The following UBA3 variants were observed in gnomAD, a reference collection of about 807,000 sequenced individuals.
UBA3 encodes ubiquitin like modifier activating enzyme 3.
UBA3 carries 26 observed loss-of-function variants against 73.5 expected under a neutral mutation model. The ratio of observed to expected loss-of-function variants is 0.35; its 90% CI spans 0.26 to 0.49. The LOEUF is 0.49. UBA3 is among the 20% of genes least tolerant of loss of function. The probability of loss-of-function intolerance (pLI) is 0.98; values close to 1 mark genes in which losing one functional copy is unlikely to be tolerated. For synonymous variants in UBA3, 217 were observed against 191.2 expected, an observed-to-expected ratio of 1.13 and a Z score of -1.11; for missense variants, 495 against 555.6, an observed-to-expected ratio of 0.89 and a Z score of 1.10.
rs965427621 is a variant in UBA3 at position 69,077,841 on chromosome 3, C to T, written c.140G>A (p.Arg47Gln). 11 of 1,613,988 alleles carry T rather than the reference C, an allele frequency of 6.8e-6. No individual in the cohort carries two copies. Among genetic ancestry groups the T allele is most frequent in the Non-Finnish European group, 9.3e-6 (11 of 1,180,012 alleles). Residue 47 changes from arginine (R) to glutamine (Q), a missense_variant, in exon 3 of 18, where the codon CGA becomes CAA. Physicochemically the swap from Arg to Gln is conservative, Grantham distance 43. Transcript: ENST00000361055. The stretch of plus-strand genomic sequence containing the variant: ...ATCAGGGTGTGTGAAGGGTCCAGAT[C>T]GCTCGAGGAACTTCTTTACATGGTT... ...RWNHVKKFLERSGPFTHPDFE... is the reference protein window; with the variant it reads ...RWNHVKKFLEQSGPFTHPDFE...
rs370735632 is a variant in UBA3, at chr3:69,071,650, A to C, written c.265-33T>G. On this transcript the variant is annotated intron_variant, in intron 4 of 17. Transcript: ENST00000361055. Reference sequence around the variant, plus strand: ...AATAAAAACAATCCAATTAAGCAGAAGTTTCCTCACATTTAAAAACGTAAC... The same window carrying C: ...AATAAAAACAATCCAATTAAGCAGACGTTTCCTCACATTTAAAAACGTAAC... 10 of 1,342,838 alleles carry C rather than the reference A, an allele frequency of 7.4e-6. No individual in the cohort carries two copies. The South Asian group carries it at 1.2e-4, about 17-fold the overall frequency. 83.2% of individuals were successfully genotyped at this position (1,342,838 alleles called of 1,614,324 possible).
chr3:69,068,097 T>TTA, intron 5 of UBA3, 89 bp from the exon 6 acceptor site: 1 of 856,834 alleles, frequency 1.2e-6, no homozygotes. Context: ...AAATTCACAG[T>TTA]AAGTTTACTT....
intron 5 of UBA3, among the ~76,000 whole-genome samples, chr3:69,070,903 C>T (rs983960187): frequency 1.3e-5 from 2 of 152,180 alleles, no homozygotes; most frequent in African/African-American, 4.8e-5. Flanking sequence ...ACCTCAGCCT[C>T]CCAGTGTTGG....
chr3:69,074,748 A>G (rs1384301277), intron 4 of UBA3, among the ~76,000 whole-genome samples: 3 of 152,230 alleles, frequency 2.0e-5, no homozygotes, highest in Non-Finnish European at 4.4e-5. Context: ...GTGATTAGAA[A>G]AAGTCAAGGA....
chr3:69,076,912 A>T (rs1323489675), intron 3 of UBA3, among the ~76,000 whole-genome samples: 1 of 151,994 alleles, frequency 6.6e-6, no homozygotes, highest in East Asian at 1.9e-4. Context: ...TTTTGAATAA[A>T]GTGAGCGAAA....
chr3:69,059,560 C>G (rs2092005016), intron 11 of UBA3, among the ~76,000 whole-genome samples: 1 of 152,100 alleles, frequency 6.6e-6, no homozygotes, highest in African/African-American at 2.4e-5. Flanking sequence ...AAGGAAACAC[C>G]ATCCCCGGCG....
intron 5 of UBA3, among the ~76,000 whole-genome samples, chr3:69,070,379 G>A (rs2092111306): frequency 6.6e-6 from 1 of 152,066 alleles, no homozygotes; most frequent in African/African-American, 2.4e-5. Context: ...AGATAATGTA[G>A]AGGTTTTATG....
At chr3:69,065,594 C>A (rs2092063570) in intron 6 of UBA3, among the ~76,000 whole-genome samples, 2 of 152,148 alleles carry the variant, frequency 1.3e-5, no homozygotes, top group Non-Finnish European at 2.9e-5. Context: ...AGGCATGTGC[C>A]ACCATGCCCG....
At position 69,055,456 on chromosome 3, in the gene UBA3, T is replaced by C; in HGVS notation, c.1373A>G (p.Lys458Arg). Residue 458 changes from lysine to arginine, a missense_variant, in exon 18 of 18, where the codon AAA (lysine) becomes AGA (arginine). Physicochemically the swap from Lys to Arg is conservative, Grantham distance 26 (BLOSUM62 2). Transcript: ENST00000361055. ...TTTTCCTTAAGAAGTAAAATGAAGT[T>C]TGAATAGTACAGTCTGTGGGGTGGT... ...DVTTPQTVLFKLHFTS is the reference protein window; with the variant it reads ...DVTTPQTVLFRLHFTS 3 of 1,532,994 alleles carry C rather than the reference T, an allele frequency of 2.0e-6. No homozygotes were observed. The highest frequency in any genetic ancestry group is 2.6e-6 in the Non-Finnish European group (3 of 1,151,818). The allele number at this position is 1,532,994 out of a possible 1,614,324, so 95.0% of individuals were successfully genotyped here. A position where few individuals can be genotyped will look rare whatever the true frequency, so the allele number is the denominator to read the frequency against.
rs556459747 is a variant in UBA3, at chr3:69,065,642, T to C, written c.429-1531A>G. On this transcript the variant is annotated intron_variant, in intron 6 of 17. Coordinates refer to ENST00000361055, the MANE Select transcript of UBA3 (RefSeq NM_003968.4). ...AGTTTTTACAGAAATAGGGTCTCATTTGTTGCCTAGGCTGTTCTCAAACAA... is the reference window on the plus strand; with the variant it reads ...AGTTTTTACAGAAATAGGGTCTCATCTGTTGCCTAGGCTGTTCTCAAACAA... Among the ~76,000 whole-genome samples the C allele has an allele frequency of 1.1e-4, 16 of 152,224 alleles. 1 individual carries two copies. Among genetic ancestry groups the C allele is most frequent in the African/African-American group, 3.9e-4 (16 of 41,528 alleles).
At chr3:69,076,915 G>A (rs928640179) in intron 3 of UBA3, among the ~76,000 whole-genome samples, 1 of 151,644 alleles carries the variant, frequency 6.6e-6, no homozygotes, top group Non-Finnish European at 1.5e-5. Flanking sequence ...TGAATAAAGT[G>A]AGCGAAACTC....
intron 1 of UBA3, 55 bp downstream of exon 1, chr3:69,080,279 G>A: frequency 6.3e-7 from 1 of 1,595,592 alleles, no homozygotes; most frequent in Non-Finnish European, 8.5e-7. Flanking sequence ...GCCCACCGCC[G>A]CGCTCTCTCA....
intron 14 of UBA3, 35 bp downstream of exon 14, chr3:69,056,577 T>C (rs770405803): frequency 4.6e-6 from 7 of 1,526,964 alleles, no homozygotes; most frequent in Non-Finnish European, 6.3e-6. Context: ...AATCAAAATA[T>C]GCATGATCAA....
intron 12 of UBA3, 50 bp from the exon 13 acceptor site, chr3:69,056,865 T>G (rs774819522): frequency 2.5e-6 from 4 of 1,572,720 alleles, no homozygotes; most frequent in Admixed American, 3.9e-5. Flanking sequence ...AAATTAGGCA[T>G]GTTAAAAGTC....
intron 9 of UBA3, 90 bp from the exon 10 acceptor site, chr3:69,062,269 A>G: frequency 2.3e-6 from 2 of 871,962 alleles, no homozygotes; most frequent in Non-Finnish European, 3.8e-6. Context: ...TAACAATTTC[A>G]TACAATTTGT....
At chr3:69,057,384 T>G (rs1296439538) in intron 11 of UBA3, 75 bp from the exon 12 acceptor site, 1 of 1,304,214 alleles carries the variant, frequency 7.7e-7, no homozygotes, top group Non-Finnish European at 1.1e-6. Context: ...AAGGCATGAT[T>G]ATTAAATACC....
At chr3:69,068,618 T>TGTCACCCAG (rs2092094476) in intron 5 of UBA3, among the ~76,000 whole-genome samples, 1 of 151,854 alleles carries the variant, frequency 6.6e-6, no homozygotes, top group Non-Finnish European at 1.5e-5. Flanking sequence ...TCACTCACTC[T>TGTCACCCAG]GTCACCCAGG....
chr3:69,056,818 G>C lies in UBA3; in HGVS notation c.965-3C>G. On this transcript the variant is annotated splice_region_variant and splice_polypyrimidine_tract_variant and intron_variant, in intron 12 of 17. Transcript: ENST00000361055. ...AAAAACCTCAGTGGCACACACAGCT[G>C]AAGGGAGGAGAAAATACAGGTGCTT... The C allele has an allele frequency of 6.2e-7, 1 of 1,611,262 alleles. No individual in the cohort carries two copies. Among genetic ancestry groups the C allele is most frequent in the Non-Finnish European group, 8.5e-7 (1 of 1,179,184 alleles).
At chr3:69,065,810 C>A (rs962450323) in intron 6 of UBA3, among the ~76,000 whole-genome samples, 1 of 151,862 alleles carries the variant, frequency 6.6e-6, no homozygotes, top group Admixed American at 6.6e-5. Flanking sequence ...CCTTTTGAGA[C>A]TGGCTTTTTT....
Sources: gnomAD v4.1 joint callset for allele counts (sites outside exome capture counted in the v4.1 genomes callset) on GRCh38, gnomAD v4.1.1 for gene constraint, MANE v1.5 for transcripts, NCBI Gene and HGNC (gene_info 2026-07-23, HGNC 2026-07-21) for gene names.